Variants in RNF150 observed in about 807,000 individuals in gnomAD.
RNF150 encodes ring finger protein 150.
RNF150 carries 24 observed loss-of-function variants against 39.3 expected under a neutral mutation model. That is an observed-to-expected ratio of 0.61 (90% CI 0.44 to 0.86). The LOEUF is 0.86. Among genes scored for constraint, RNF150 ranks in the 40% least tolerant of loss-of-function variants. The pLI is 0.00. For missense variants in RNF150, 502 were observed against 587.8 expected (o/e 0.85, Z 1.51); for synonymous variants, 255 against 227.3 (o/e 1.12, Z -1.10).
At chr4:141,159,130 C>A (rs1727469037) in intron 1 of RNF150, among the ~76,000 whole-genome samples, 1 of 152,190 alleles carries the variant, frequency 6.6e-6, no homozygotes, top group Non-Finnish European at 1.5e-5. Context: ...TTTTGGTTAA[C>A]AAGCTGTTTC....
chr4:141,183,695 C>A (rs767285500), intron 1 of RNF150, among the ~76,000 whole-genome samples: 1 of 151,788 alleles, frequency 6.6e-6, no homozygotes, highest in African/African-American at 2.4e-5. Context: ...CCCCCAACAG[C>A]GCCTCCCTGT....
rs1560696578 is a variant in RNF150 at position 141,027,908 on chromosome 4, A to ATTTGTTT, written c.485-60042_485-60036dup. On this transcript the variant is annotated intron_variant, in intron 1 of 6. Transcript: ENST00000515673. The stretch of plus-strand genomic sequence containing the variant: ...TCATTAGATAGTTAATGAGCTTGGA[A>ATTTGTTT]TTTGTTTTTTTTTTTTTGTTTTTTT... Among the ~76,000 whole-genome samples the ATTTGTTT allele has an allele frequency of 2.5e-4, 15 of 59,106 alleles. 2 individuals carry two copies. The highest frequency in any genetic ancestry group is 3.5e-4 in the African/African-American group (6 of 16,996). 38.8% of individuals were successfully genotyped at this position (59,106 alleles called of 152,430 possible).
intron 1 of RNF150, among the ~76,000 whole-genome samples, chr4:141,124,373 G>C (rs945532577): frequency 2.6e-5 from 4 of 152,190 alleles, no homozygotes; most frequent in Non-Finnish European, 5.9e-5. Context: ...CACTAGTTCA[G>C]GGAAGAGTAG....
At chr4:140,958,633 C>G (rs371870526) in intron 2 of RNF150, among the ~76,000 whole-genome samples, 1 of 152,094 alleles carries the variant, frequency 6.6e-6, no homozygotes, top group East Asian at 1.9e-4. Context: ...AAATGACAGC[C>G]AGGTGTCTTC....
At chr4:141,065,703 A>G (rs1737428807) in intron 1 of RNF150, among the ~76,000 whole-genome samples, 1 of 152,004 alleles carries the variant, frequency 6.6e-6, no homozygotes, top group South Asian at 2.1e-4. Flanking sequence ...ATAATAATAA[A>G]TATTTCTGGT....
intron 1 of RNF150, among the ~76,000 whole-genome samples, chr4:141,152,027 T>C (rs556731363): frequency 6.6e-6 from 1 of 152,104 alleles, no homozygotes; most frequent in South Asian, 2.1e-4. Flanking sequence ...AAATGTGGAG[T>C]TCAGTAACAG....
intron 1 of RNF150, among the ~76,000 whole-genome samples, chr4:141,060,403 T>C (rs1488095376): frequency 6.6e-6 from 1 of 152,156 alleles, no homozygotes; most frequent in African/African-American, 2.4e-5. Context: ...GCTGAGCCAC[T>C]GCATTCCAGC....
intron 2 of RNF150, among the ~76,000 whole-genome samples, chr4:140,957,959 G>A (rs1289225678): frequency 6.6e-6 from 1 of 151,106 alleles, no homozygotes; most frequent in Non-Finnish European, 1.5e-5. Context: ...CGAGTTAGTG[G>A]GTGTAGCGCA....
chr4:141,129,780 G>A (rs1017869801), intron 1 of RNF150, among the ~76,000 whole-genome samples: 5 of 151,906 alleles, frequency 3.3e-5, no homozygotes, highest in South Asian at 2.1e-4. Flanking sequence ...AACAGAAAAC[G>A]TATATGAAAA....
chr4:141,144,281 A>G (rs1250792445), intron 1 of RNF150, among the ~76,000 whole-genome samples: 2 of 152,218 alleles, frequency 1.3e-5, no homozygotes, highest in Admixed American at 6.5e-5. Context: ...AAATTTGCTC[A>G]ACAGTCATTA....
In RNF150 at chr4:141,132,835, C is replaced by T. The variant is rs1726941584; in HGVS notation, c.-27G>A. 1.3e-6 allele frequency: 2 copies of T among 1,590,106 alleles called. No homozygotes were observed. Among genetic ancestry groups the T allele is most frequent in the Non-Finnish European group, 8.6e-7 (1 of 1,163,294 alleles). On this transcript the variant is annotated 5_prime_UTR_variant, in exon 1 of 7. Coordinates refer to ENST00000515673, the MANE Select transcript of RNF150 (RefSeq NM_020724.2). This position sits in a 1 kb window ranked among gnomAD's most constrained non-coding sequence, Gnocchi z 4.9. ...TTTATCCGCCGGGGCCCCCTCCCCGCCCCCGCGCCCTCCCTCCGTCCCGTC... is the reference window on the plus strand; with the variant it reads ...TTTATCCGCCGGGGCCCCCTCCCCGTCCCCGCGCCCTCCCTCCGTCCCGTC...
At chr4:141,028,734 A>T (rs1467060658) in intron 1 of RNF150, among the ~76,000 whole-genome samples, 1 of 152,188 alleles carries the variant, frequency 6.6e-6, no homozygotes, top group African/African-American at 2.4e-5. Flanking sequence ...TTATGATAAA[A>T]ATAAAGTGCT....
chr4:140,912,943 C>A (rs1238758132), intron 5 of RNF150, among the ~76,000 whole-genome samples: 2 of 138,906 alleles, frequency 1.4e-5, no homozygotes, highest in Non-Finnish European at 3.1e-5. Flanking sequence ...TCAGTCTGCA[C>A]TCTCTCATCA....
At chr4:140,896,721 C>A (rs11335554) in intron 6 of RNF150, among the ~76,000 whole-genome samples, 16,811 of 53,540 alleles carry the variant, frequency 0.31, 1,812 homozygotes, top group East Asian at 0.61. Flanking sequence ...AACAAACAAA[C>A]AAAAAAAAAT....
At chr4:141,177,459 A>T (rs1727832740) in intron 1 of RNF150, among the ~76,000 whole-genome samples, 2 of 129,124 alleles carry the variant, frequency 1.5e-5, no homozygotes, top group African/African-American at 5.8e-5. Context: ...TTGAAAATAC[A>T]GGGCATTATT....
intron 1 of RNF150, among the ~76,000 whole-genome samples, chr4:141,052,038 A>G (rs958102242): frequency 1.3e-5 from 2 of 152,136 alleles, no homozygotes; most frequent in Admixed American, 1.3e-4. Context: ...GTAGCAGGCA[A>G]AGAGAGCTTC....
At chr4:141,138,955 T>C (rs1303530893) in intron 1 of RNF150, among the ~76,000 whole-genome samples, 4 of 152,112 alleles carry the variant, frequency 2.6e-5, no homozygotes, top group Non-Finnish European at 5.9e-5. Flanking sequence ...GTCTGTAATA[T>C]CAGTTTTGGG....
chr4:141,157,343 T>C (rs1241649221), intron 1 of RNF150, among the ~76,000 whole-genome samples: 2 of 152,188 alleles, frequency 1.3e-5, no homozygotes, highest in Non-Finnish European at 2.9e-5. Flanking sequence ...TGGCCTGGGT[T>C]TGATAATATA....
chr4:141,208,557 G>C (rs1423161097), intron 1 of RNF150, among the ~76,000 whole-genome samples: 1 of 152,172 alleles, frequency 6.6e-6, no homozygotes, highest in African/African-American at 2.4e-5. Flanking sequence ...AATGCTAGCA[G>C]CTATACCTTA....
Sources: gnomAD v4.1 joint callset for allele counts (sites outside exome capture counted in the v4.1 genomes callset) on GRCh38, gnomAD v4.1.1 for gene constraint, Gnocchi (gnomAD v3.1) non-coding constraint, MANE v1.5 for transcripts, NCBI Gene and HGNC (gene_info 2026-07-23, HGNC 2026-07-21) for gene names.